Variants in HEATR5A observed in about 807,000 individuals in gnomAD.
HEATR5A encodes the protein HEAT repeat-containing protein 5A.
Under a neutral mutation model 218.8 loss-of-function variants are expected in HEATR5A, and 178 were observed. That is an observed-to-expected ratio of 0.81 (90% confidence interval 0.72 to 0.92). The LOEUF (loss-of-function observed/expected upper bound fraction) is 0.92, where lower values mean the gene tolerates loss of function less well. Among genes scored for constraint, HEATR5A ranks in the 40% least tolerant of loss-of-function variants. HEATR5A has a pLI of 0.00. For missense variants in HEATR5A, 2,420 were observed against 2,418.9 expected (o/e 1.00, Z -0.01); for synonymous variants, 864 against 871.6 (o/e 0.99, Z 0.15).
intron 22 of HEATR5A, among the ~76,000 whole-genome samples, chr14:31,331,271 T>G (rs1398085560): frequency 1.3e-5 from 2 of 152,066 alleles, no homozygotes; most frequent in East Asian, 3.9e-4. Flanking sequence ...AATTCCAATT[T>G]CAGATAATCT....
At chr14:31,395,787 A>T (rs904681065) in intron 4 of HEATR5A, among the ~76,000 whole-genome samples, 1 of 152,222 alleles carries the variant, frequency 6.6e-6, no homozygotes, top group Non-Finnish European at 1.5e-5. Flanking sequence ...TGAGTCATAC[A>T]CACAAAGTGC....
At chr14:31,386,381 A>G in intron 9 of HEATR5A, 39 bp downstream of exon 9, 1 of 1,526,714 alleles carries the variant, frequency 6.6e-7, no homozygotes, top group Middle Eastern at 1.7e-4. Context: ...AAAGTTATCT[A>G]GTGTACAAGG....
chr14:31,336,705 C>A (rs150159576), intron 22 of HEATR5A, among the ~76,000 whole-genome samples: 1 of 152,102 alleles, frequency 6.6e-6, no homozygotes, highest in Non-Finnish European at 1.5e-5. Context: ...TGAGATTCTG[C>A]GGCAAACAGA....
Position 31,398,703 on chromosome 14 carries a change from C to T in HEATR5A, c.417G>A (p.Gly139=), listed in dbSNP as rs773856342. 27 of 1,527,174 alleles carry T rather than the reference C, an allele frequency of 1.8e-5. No homozygotes were observed. Among genetic ancestry groups the T allele is most frequent in the Non-Finnish European group, 3.5e-6 (4 of 1,138,586 alleles). The allele number at this position is 1,527,174 out of a possible 1,614,324, so 94.6% of individuals were successfully genotyped here. ...CACTCTTCATAGCTTTAAGAATATT[C>T]CCCACTGTATCAGTAAAGGTGTTAC... ...ILGNTFTDTV[G]NILKAMKSAE... The change falls in exon 4 of 36, where the codon GGG becomes GGA. Residue 139 remains glycine (G), a synonymous_variant. Coordinates refer to ENST00000543095, the MANE Select transcript of HEATR5A (RefSeq NM_015473.4).
At chr14:31,366,996 CTATT>C (rs1009439958) in intron 13 of HEATR5A, among the ~76,000 whole-genome samples, 1 of 152,088 alleles carries the variant, frequency 6.6e-6, no homozygotes, top group Non-Finnish European at 1.5e-5. Context: ...CCCTTTAACC[CTATT>C]TAGTTTCAAA....
intron 1 of HEATR5A, among the ~76,000 whole-genome samples, chr14:31,409,318 G>A (rs2031195210): frequency 6.6e-6 from 1 of 150,870 alleles, no homozygotes; most frequent in African/African-American, 2.4e-5. Flanking sequence ...AAAGTGCTGG[G>A]ATTACAGGCG....
intron 33 of HEATR5A, among the ~76,000 whole-genome samples, chr14:31,301,647 C>T (rs1899378971): frequency 6.6e-6 from 1 of 151,940 alleles, no homozygotes; most frequent in Non-Finnish European, 1.5e-5. Context: ...TGTGCACTAC[C>T]ACACCTGGGT....
intron 1 of HEATR5A, among the ~76,000 whole-genome samples, chr14:31,414,493 G>A (rs1239096807): frequency 6.6e-6 from 1 of 152,142 alleles, no homozygotes; most frequent in Admixed American, 6.5e-5. Flanking sequence ...AAATAATATT[G>A]AATATAGATA....
In HEATR5A at chr14:31,380,275, G is replaced by C. The variant is rs534970178; in HGVS notation, c.1708+192C>G. ...TAGCCCGGAAGAGAAAATCAAGAGA[G>C]ATCTCAAAAGGTTTTAAGCAATGAC... On this transcript the variant is annotated intron_variant, in intron 11 of 35. Transcript: ENST00000543095. Among the ~76,000 whole-genome samples the C allele has an allele frequency of 3.9e-5, 6 of 152,316 alleles. No homozygotes were observed. The South Asian group carries it at 1.2e-3, about 32-fold the overall frequency.
At chr14:31,363,837 C>G (rs974415963) in intron 14 of HEATR5A, among the ~76,000 whole-genome samples, 1 of 151,994 alleles carries the variant, frequency 6.6e-6, no homozygotes, top group Non-Finnish European at 1.5e-5. Context: ...AAAAAACTAG[C>G]TGAGCGTGGT....
intron 2 of HEATR5A, 127 bp downstream of exon 2, chr14:31,402,723 T>C (rs751806891): frequency 1.7e-5 from 14 of 848,006 alleles, no homozygotes; most frequent in African/African-American, 3.4e-5. Context: ...ATATACTTCA[T>C]TAAGTTTTAA....
At position 31,305,554 on chromosome 14, in the gene HEATR5A, C is replaced by T. The variant is rs1324712653; in HGVS notation, c.4967-377G>A. ...CCAGGATTACAGGTATGAGCCACTGCGCCCGGCCAGGAAATACATTTAATG... is the reference window on the plus strand; with the variant it reads ...CCAGGATTACAGGTATGAGCCACTGTGCCCGGCCAGGAAATACATTTAATG... On this transcript the variant is annotated intron_variant, in intron 31 of 35. Transcript: ENST00000543095. 8.5e-5 allele frequency among the ~76,000 whole-genome samples: 13 copies of T among 152,114 alleles called. No individual in the cohort carries two copies. In the East Asian group the frequency reaches 9.6e-4, roughly 11 times the overall value.
chr14:31,309,262 AT>A, intron 28 of HEATR5A, 80 bp from the exon 29 acceptor site: 1 of 1,480,744 alleles, frequency 6.8e-7, no homozygotes, highest in South Asian at 1.3e-5. Flanking sequence ...GATATAGACC[AT>A]TTCCATCACT....
intron 1 of HEATR5A, among the ~76,000 whole-genome samples, chr14:31,404,242 A>C (rs1194440770): frequency 1.3e-5 from 2 of 152,350 alleles, no homozygotes; most frequent in East Asian, 3.9e-4. Context: ...AGTGTACCTA[A>C]ATAGAAACAT....
chr14:31,395,269 C>A lies in HEATR5A; in HGVS notation c.527G>T (p.Arg176Met). Residue 176 changes from arginine to methionine, a missense_variant, in exon 5 of 36, where the codon AGG (arginine) becomes ATG (methionine). Physicochemically the swap from Arg to Met is moderately conservative, Grantham distance 91. Transcript: ENST00000543095. ...GGATCTAGCAGCTTTATAAACATCC[C>A]TGTGACAAGGTGCAGCGGCAGCTCC... ...GLGAAAAPCH[R>M]DVYKAARSCL... is the part of the protein sequence containing the mutation. 1 of 1,531,112 alleles carries A rather than the reference C, an allele frequency of 6.5e-7. No homozygotes were observed. Among genetic ancestry groups the A allele is most frequent in the Middle Eastern group, 1.7e-4 (1 of 5,980 alleles). The allele number at this position is 1,531,112 out of a possible 1,614,324, so 94.8% of individuals were successfully genotyped here.
At chr14:31,418,829 C>T (rs2031543194) in intron 1 of HEATR5A, among the ~76,000 whole-genome samples, 2 of 152,002 alleles carry the variant, frequency 1.3e-5, no homozygotes, top group East Asian at 1.9e-4. Context: ...AGAATTTAAC[C>T]CTTATGTTAT....
At chr14:31,303,358 G>A (rs1009663030) in intron 32 of HEATR5A, among the ~76,000 whole-genome samples, 2 of 152,150 alleles carry the variant, frequency 1.3e-5, no homozygotes, top group African/African-American at 2.4e-5. Flanking sequence ...GCTTGAACCC[G>A]GGAGGCAGAG....
At chr14:31,391,799 T>C (rs556781385) in intron 6 of HEATR5A, among the ~76,000 whole-genome samples, 1 of 152,346 alleles carries the variant, frequency 6.6e-6, no homozygotes, top group South Asian at 2.1e-4. Flanking sequence ...ACCATTGTAT[T>C]ACAGTTTTCT....
At chr14:31,302,192 G>C in intron 33 of HEATR5A, 103 bp downstream of exon 33, 1 of 798,226 alleles carries the variant, frequency 1.3e-6, no homozygotes, top group South Asian at 1.6e-5. Context: ...GTCTCCTCTA[G>C]GTGATATGGC....
Sources: allele counts gnomAD v4.1 joint callset (sites outside exome capture counted in the v4.1 genomes callset), GRCh38; gene constraint gnomAD v4.1.1; transcripts MANE v1.5; gene names NCBI Gene and HGNC (gene_info 2026-07-23, HGNC 2026-07-21).